Variants in WDR25 observed in about 807,000 individuals in gnomAD.
WDR25 encodes the protein WD repeat domain 25, also known as WD repeat-containing protein 25.
WDR25 carries 35 observed loss-of-function variants against 47.7 expected under a neutral mutation model. The ratio of observed to expected loss-of-function variants is 0.73; its 90% CI spans 0.56 to 0.97. The LOEUF (loss-of-function observed/expected upper bound fraction) is 0.97. WDR25 is among the 50% of genes least tolerant of loss of function. The pLI is 0.00. For synonymous variants in WDR25, 248 were observed against 278.9 expected (o/e 0.89, Z 1.10); for missense variants, 634 against 704.7 (o/e 0.90, Z 1.14).
Position 100,404,077 on chromosome 14 carries a change from C to G in WDR25, c.822+22331C>G, listed in dbSNP as rs969163682. 1.1e-4 allele frequency among the ~76,000 whole-genome samples: 17 copies of G among 152,358 alleles called. No individual in the cohort carries two copies. Among genetic ancestry groups the G allele is most frequent in the Middle Eastern group, 3.4e-3 (1 of 294 alleles). ...CTCAAGGTGGCTGCTCCCTGACATTCACTTTTGGTAGCAATTAGAACTCCC... is the reference window on the plus strand; with the variant it reads ...CTCAAGGTGGCTGCTCCCTGACATTGACTTTTGGTAGCAATTAGAACTCCC... On this transcript the variant is annotated intron_variant, in intron 2 of 6. Coordinates refer to ENST00000402312, the MANE Select transcript of WDR25 (RefSeq NM_001161476.3). This position sits in a 1 kb window ranked among gnomAD's most constrained non-coding sequence, Gnocchi z 4.6.
chr14:100,380,524 C>T (rs1293115831), intron 1 of WDR25, among the ~76,000 whole-genome samples: 2 of 149,118 alleles, frequency 1.3e-5, no homozygotes, highest in East Asian at 3.9e-4. Context: ...GTCAGAGTCT[C>T]GCTCTTGTTG....
At position 100,517,641 on chromosome 14, in the gene WDR25, C is replaced by T. The variant is rs146781156; in HGVS notation, c.1102-8229C>T. Among the ~76,000 whole-genome samples, 80 of 152,224 alleles carry T rather than the reference C, an allele frequency of 5.3e-4. 1 individual carries two copies. In the East Asian group the frequency reaches 0.013, roughly 24 times the overall value. ...GGAGGATCACCTGAGGTCAGAAGTTCGAGAGCAGCCTGACCAACATGGAGA... is the reference window on the plus strand; with the variant it reads ...GGAGGATCACCTGAGGTCAGAAGTTTGAGAGCAGCCTGACCAACATGGAGA... On this transcript the variant is annotated intron_variant, in intron 4 of 6. Transcript: ENST00000402312.
chr14:100,490,660 G>C (rs1900532306), intron 4 of WDR25, among the ~76,000 whole-genome samples: 1 of 152,192 alleles, frequency 6.6e-6, no homozygotes, highest in South Asian at 2.1e-4. Context: ...GGGGGCCATG[G>C]TATGGGTGCC....
At chr14:100,380,692 C>T (rs946059568) in intron 1 of WDR25, among the ~76,000 whole-genome samples, 2 of 151,992 alleles carry the variant, frequency 1.3e-5, no homozygotes, top group African/African-American at 4.8e-5. Context: ...CGGGGTTTCA[C>T]CATGTTGGCC....
chr14:100,444,102 A>T (rs1344657456), intron 2 of WDR25, among the ~76,000 whole-genome samples: 3 of 152,170 alleles, frequency 2.0e-5, no homozygotes, highest in Non-Finnish European at 4.4e-5. Flanking sequence ...TGGCCTCAGG[A>T]TTCTGCAAGG....
chr14:100,428,177 T>C lies in WDR25; in HGVS notation c.823-39844T>C, dbSNP rs1350003780. Among the ~76,000 whole-genome samples, 1 of 152,232 alleles carries C rather than the reference T, an allele frequency of 6.6e-6. No individual in the cohort carries two copies. Among genetic ancestry groups the C allele is most frequent in the East Asian group, 1.9e-4 (1 of 5,200 alleles). ...TTTGTCGTGTGCTCCGACCGAAGCGTTGGCACTGACCCGTCTAGAATTCTG... is the reference window on the plus strand; with the variant it reads ...TTTGTCGTGTGCTCCGACCGAAGCGCTGGCACTGACCCGTCTAGAATTCTG... On this transcript the variant is annotated intron_variant, in intron 2 of 6. Transcript: ENST00000402312. The surrounding 1 kb of genome is among the most constrained non-coding windows in gnomAD (Gnocchi z 4.3).
chr14:100,453,989 C>T (rs1370159607), intron 2 of WDR25, among the ~76,000 whole-genome samples: 6 of 152,300 alleles, frequency 3.9e-5, no homozygotes, highest in Non-Finnish European at 7.3e-5. Flanking sequence ...ACCTTTCCTT[C>T]GAGAGACCTT....
rs1267826028 is a variant in WDR25, at chr14:100,529,235, A to C, written c.1413+27A>C. On this transcript the variant is annotated intron_variant, in intron 6 of 6. Transcript: ENST00000402312. This position sits in a 1 kb window ranked among gnomAD's most constrained non-coding sequence, Gnocchi z 5.1. ...TACTTCTGTCCTTGTCCCCCAGGCGAATGCTGAGCCCCAGCCCCAAGCCTC... is the reference window on the plus strand; with the variant it reads ...TACTTCTGTCCTTGTCCCCCAGGCGCATGCTGAGCCCCAGCCCCAAGCCTC... 1 of 1,612,110 alleles carries C rather than the reference A, an allele frequency of 6.2e-7. No homozygotes were observed. Among genetic ancestry groups the C allele is most frequent in the Non-Finnish European group, 8.5e-7 (1 of 1,179,574 alleles).
At chr14:100,463,086 C>CT (rs1230161414) in intron 2 of WDR25, among the ~76,000 whole-genome samples, 1 of 146,818 alleles carries the variant, frequency 6.8e-6, no homozygotes, top group African/African-American at 2.5e-5. Flanking sequence ...TCCTTCCTTC[C>CT]TTTTTCCCTT....
At position 100,404,197 on chromosome 14, in the gene WDR25, C is replaced by G. The variant is rs1897465559; in HGVS notation, c.822+22451C>G. Among the ~76,000 whole-genome samples, 1 of 152,210 alleles carries G rather than the reference C, an allele frequency of 6.6e-6. No individual in the cohort carries two copies. Among genetic ancestry groups the G allele is most frequent in the Non-Finnish European group, 1.5e-5 (1 of 68,048 alleles). On this transcript the variant is annotated intron_variant, in intron 2 of 6. Transcript: ENST00000402312. This position sits in a 1 kb window ranked among gnomAD's most constrained non-coding sequence, Gnocchi z 4.6. ...AACCTCTGAGGTGCCGATGGCATGC[C>G]CCAACCTGCGTCCAAGGACCTGGGG...
At chr14:100,456,552 G>A (rs1043847335) in intron 2 of WDR25, among the ~76,000 whole-genome samples, 9 of 152,138 alleles carry the variant, frequency 5.9e-5, no homozygotes, top group Admixed American at 5.2e-4. Flanking sequence ...AGAGACATGG[G>A]CGATACAAAA....
Position 100,430,064 on chromosome 14 carries a change from G to A in WDR25, c.823-37957G>A, listed in dbSNP as rs73347387. Among the ~76,000 whole-genome samples the A allele has an allele frequency of 4.9e-3, 743 of 152,124 alleles. 10 individuals carry two copies. Among genetic ancestry groups the A allele is most frequent in the African/African-American group, 0.017 (698 of 41,480 alleles). ...CATGGCAAGTGCTCAATGAATGTTT[G>A]TTATATTTGAATCTGAAAGGTTCCA... On this transcript the variant is annotated intron_variant, in intron 2 of 6. Transcript: ENST00000402312. The surrounding 1 kb of genome is among the most constrained non-coding windows in gnomAD (Gnocchi z 4.7).
intron 2 of WDR25, chr14:100,382,254 G>C (rs1271375990): frequency 1.4e-6 from 1 of 692,222 alleles, no homozygotes; most frequent in Non-Finnish European, 2.6e-6. Context: ...CCCCCAGTAG[G>C]ACACACAGGT....
rs1898628683 is a variant in WDR25 at position 100,440,274 on chromosome 14, A to G, written c.823-27747A>G. On this transcript the variant is annotated intron_variant, in intron 2 of 6. Transcript: ENST00000402312. This position sits in a 1 kb window ranked among gnomAD's most constrained non-coding sequence, Gnocchi z 4.4. ...TCTTGGATGCGTTTGCACCTGGCAA[A>G]TGAATGTGCAGGAATTCTTTGATTG... is the stretch of plus-strand genomic sequence containing the variant. 6.6e-6 allele frequency among the ~76,000 whole-genome samples: 1 copy of G among 152,194 alleles called. No individual in the cohort carries two copies. Among genetic ancestry groups the G allele is most frequent in the South Asian group, 2.1e-4 (1 of 4,834 alleles).
intron 2 of WDR25, among the ~76,000 whole-genome samples, chr14:100,398,924 T>G (rs1897316991): frequency 6.6e-6 from 1 of 150,842 alleles, no homozygotes; most frequent in Admixed American, 6.6e-5. Context: ...ACTGGATGTC[T>G]TTTGGTTTTC....
chr14:100,469,507 A>T (rs1010760531), intron 3 of WDR25, among the ~76,000 whole-genome samples: 2 of 152,208 alleles, frequency 1.3e-5, no homozygotes, highest in African/African-American at 4.8e-5. Flanking sequence ...GTGCATAGCC[A>T]GCAGGGATTT....
rs533690356 is a variant in WDR25 at position 100,530,153 on chromosome 14, C to A, written c.*112C>A. 1.1e-4 allele frequency: 119 copies of A among 1,051,494 alleles called. 1 individual carries two copies. The highest frequency in any genetic ancestry group is 1.0e-3 in the Middle Eastern group (5 of 4,788). 65.1% of individuals were successfully genotyped at this position (1,051,494 alleles called of 1,614,324 possible). On this transcript the variant is annotated 3_prime_UTR_variant, in exon 7 of 7. Transcript: ENST00000402312. ...GGTTGGCTGTGGGTCCTGGGTACCA[C>A]CTTCTGAGCCTCAGTTTCCTCATCT...
chr14:100,448,469 T>C (rs1275819823), intron 2 of WDR25, among the ~76,000 whole-genome samples: 1 of 152,122 alleles, frequency 6.6e-6, no homozygotes, highest in Non-Finnish European at 1.5e-5. Context: ...GAGAAGCACA[T>C]GCATGCTGGC....
chr14:100,509,422 G>A (rs1461618245), intron 4 of WDR25, among the ~76,000 whole-genome samples: 1 of 151,942 alleles, frequency 6.6e-6, no homozygotes, highest in Non-Finnish European at 1.5e-5. Flanking sequence ...GTTGATCTGA[G>A]TGCCAATCTG....
Sources: gnomAD v4.1 joint callset for allele counts (sites outside exome capture counted in the v4.1 genomes callset) on GRCh38, gnomAD v4.1.1 for gene constraint, Gnocchi (gnomAD v3.1) non-coding constraint, MANE v1.5 for transcripts, NCBI Gene and HGNC (gene_info 2026-07-23, HGNC 2026-07-21) for gene names.